ASCC3: variants seen among roughly 807,000 people sequenced by gnomAD.
ASCC3 encodes activating signal cointegrator 1 complex subunit 3, also known as ASC-1 complex subunit P200.
Under a neutral mutation model 256.3 loss-of-function variants are expected in ASCC3, and 158 were observed. That is an observed-to-expected ratio of 0.62 (90% CI 0.54 to 0.70). The LOEUF is 0.70. Among genes scored for constraint, ASCC3 ranks in the 30% least tolerant of loss-of-function variants. The pLI is 0.00. For synonymous variants in ASCC3, 948 were observed against 883.4 expected, an observed-to-expected ratio of 1.07 and a Z score of -1.30; for missense variants, 2,259 against 2,626.0, an observed-to-expected ratio of 0.86 and a Z score of 3.05.
chr6:100,842,068 CA>C (rs1424593165), intron 4 of ASCC3, among the ~76,000 whole-genome samples: 1 of 152,020 alleles, frequency 6.6e-6, no homozygotes, highest in Non-Finnish European at 1.5e-5. Flanking sequence ...GAAAAGACAA[CA>C]AAAAACCAAT....
At chr6:100,745,849 T>G (rs1780641514) in intron 10 of ASCC3, among the ~76,000 whole-genome samples, 1 of 152,136 alleles carries the variant, frequency 6.6e-6, no homozygotes, top group East Asian at 1.9e-4. Flanking sequence ...CAGGTTTGTG[T>G]GTCTAGTCTT....
At chr6:100,581,454 T>C (rs1771254961) in intron 36 of ASCC3, among the ~76,000 whole-genome samples, 2 of 152,294 alleles carry the variant, frequency 1.3e-5, no homozygotes, top group African/African-American at 4.8e-5. Context: ...TGTAAATTTG[T>C]TTAAGTTCAT....
At chr6:100,731,031 G>A (rs1243898593) in intron 10 of ASCC3, among the ~76,000 whole-genome samples, 1 of 151,844 alleles carries the variant, frequency 6.6e-6, no homozygotes, top group Non-Finnish European at 1.5e-5. Flanking sequence ...AGCACAAAGA[G>A]TGTCACCTGA....
At chr6:100,837,394 C>T (rs2114475967) in intron 4 of ASCC3, among the ~76,000 whole-genome samples, 1 of 152,088 alleles carries the variant, frequency 6.6e-6, no homozygotes, top group South Asian at 2.1e-4. Context: ...GGTATATATC[C>T]ACAGGAAAAC....
intron 10 of ASCC3, among the ~76,000 whole-genome samples, chr6:100,749,204 T>C (rs767064903): frequency 1.7e-4 from 26 of 152,060 alleles, no homozygotes; most frequent in Non-Finnish European, 3.2e-4. Context: ...AACGTTATTC[T>C]TAATAAGTAA....
rs79530243 is a variant in ASCC3, at chr6:100,658,563, A to C, written c.2704-2745T>G. On this transcript the variant is annotated intron_variant, in intron 16 of 41. Transcript: ENST00000369162. ...ATAAGTATGAATGGGGCTGAATATCAACAGACTATCAGAAAATGGTAAGTG... is the reference window on the plus strand; with the variant it reads ...ATAAGTATGAATGGGGCTGAATATCCACAGACTATCAGAAAATGGTAAGTG... Among the ~76,000 whole-genome samples the C allele has an allele frequency of 6.0e-3, 905 of 151,558 alleles. 7 individuals are homozygous for C. The highest frequency in any genetic ancestry group is 0.021 in the African/African-American group (876 of 41,492).
chr6:100,570,775 C>T (rs953938968), intron 36 of ASCC3, among the ~76,000 whole-genome samples: 1 of 152,176 alleles, frequency 6.6e-6, no homozygotes, highest in Admixed American at 6.5e-5. Flanking sequence ...TTGCTTTTCA[C>T]CTCAATTAAT....
intron 13 of ASCC3, among the ~76,000 whole-genome samples, chr6:100,699,803 G>A (rs550485990): frequency 3.9e-5 from 6 of 152,300 alleles, no homozygotes; most frequent in South Asian, 2.1e-4. Flanking sequence ...GAGACTGGCG[G>A]CATTTTGCCC....
At chr6:100,574,207 A>G (rs997164819) in intron 36 of ASCC3, among the ~76,000 whole-genome samples, 1 of 152,166 alleles carries the variant, frequency 6.6e-6, no homozygotes, top group African/African-American at 2.4e-5. Flanking sequence ...AATACATAGC[A>G]AACTTTAATA....
intron 8 of ASCC3, among the ~76,000 whole-genome samples, chr6:100,796,677 C>A (rs1582877032): frequency 6.6e-6 from 1 of 152,098 alleles, no homozygotes; most frequent in African/African-American, 2.4e-5. Flanking sequence ...AGGAAGAAAT[C>A]CTCACCAGAA....
chr6:100,577,150 A>C (rs545501494), intron 36 of ASCC3, among the ~76,000 whole-genome samples: 10 of 152,166 alleles, frequency 6.6e-5, no homozygotes, highest in South Asian at 6.2e-4. Context: ...CGTTGTAAAA[A>C]AAATCACCTA....
chr6:100,831,633 A>T (rs1166049249), intron 4 of ASCC3, among the ~76,000 whole-genome samples: 1 of 152,196 alleles, frequency 6.6e-6, no homozygotes, highest in Admixed American at 6.5e-5. Flanking sequence ...CTGGGGCCAC[A>T]GCTACTATAG....
At chr6:100,772,994 G>A (rs1321397999) in intron 8 of ASCC3, among the ~76,000 whole-genome samples, 1 of 151,916 alleles carries the variant, frequency 6.6e-6, no homozygotes, top group African/African-American at 2.4e-5. Context: ...GCTTACTATG[G>A]GCTAAGCACA....
intron 30 of ASCC3, among the ~76,000 whole-genome samples, chr6:100,608,186 G>GTATATATATACTT (rs1303384551): frequency 1.9e-4 from 5 of 26,166 alleles, no homozygotes; most frequent in South Asian, 1.3e-3. Flanking sequence ...ATATGTGTGT[G>GTATATATATACTT]TATATATATA....
chr6:100,794,403 G>A (rs1386002974), intron 8 of ASCC3, among the ~76,000 whole-genome samples: 1 of 152,008 alleles, frequency 6.6e-6, no homozygotes, highest in East Asian at 1.9e-4. Context: ...CATCCTTTGT[G>A]TGGCATACAC....
chr6:100,575,784 CAAT>C (rs10555537), intron 36 of ASCC3, among the ~76,000 whole-genome samples: 2,689 of 151,966 alleles, frequency 0.018, 72 homozygotes, highest in African/African-American at 0.062. Context: ...TCAAAATTGT[CAAT>C]ATTATAGCAG....
At chr6:100,774,573 G>T (rs1221526129) in intron 8 of ASCC3, among the ~76,000 whole-genome samples, 1 of 152,070 alleles carries the variant, frequency 6.6e-6, no homozygotes, top group African/African-American at 2.4e-5. Context: ...CAGCATGTTA[G>T]CCAGGATGGT....
chr6:100,839,257 C>T (rs1163979001), intron 4 of ASCC3, among the ~76,000 whole-genome samples: 1 of 152,052 alleles, frequency 6.6e-6, no homozygotes, highest in Non-Finnish European at 1.5e-5. Context: ...GTTGATTAAA[C>T]TTTGTTAGAT....
intron 25 of ASCC3, among the ~76,000 whole-genome samples, chr6:100,633,134 C>A (rs1774641865): frequency 6.6e-6 from 1 of 152,100 alleles, no homozygotes; most frequent in Non-Finnish European, 1.5e-5. Flanking sequence ...CAATTGTGGT[C>A]CAAAAATGTT....
Sources: gnomAD v4.1 joint callset for allele counts (sites outside exome capture counted in the v4.1 genomes callset) on GRCh38, gnomAD v4.1.1 for gene constraint, MANE v1.5 for transcripts, NCBI Gene and HGNC (gene_info 2026-07-23, HGNC 2026-07-21) for gene names.